GALNT17: variants seen among roughly 807,000 people sequenced by gnomAD.
The protein encoded by GALNT17 is UDP-GalNAc:polypeptide N-acetylgalactosaminyltransferase-like 3.
In GALNT17, 29 loss-of-function variants were observed where a neutral mutation model predicts 63.7. That is an observed-to-expected ratio of 0.46 (90% CI 0.34 to 0.62). The LOEUF (loss-of-function observed/expected upper bound fraction) is 0.62, where lower values mean the gene tolerates loss of function less well. GALNT17 is among the 20% of genes least tolerant of loss of function. The pLI is 0.01. For synonymous variants in GALNT17, 305 were observed against 318.3 expected (o/e 0.96, Z 0.45); for missense variants, 603 against 799.6 (o/e 0.75, Z 2.97).
chr7:71,450,139 ATTTT>A (rs55881759), intron 5 of GALNT17, among the ~76,000 whole-genome samples: 3 of 130,096 alleles, frequency 2.3e-5, no homozygotes, highest in Non-Finnish European at 4.9e-5. Flanking sequence ...GTATTTAAAG[ATTTT>A]TTTTTTTTTT....
chr7:71,624,401 C>A (rs1790340855), intron 6 of GALNT17, among the ~76,000 whole-genome samples: 1 of 152,110 alleles, frequency 6.6e-6, no homozygotes, highest in African/African-American at 2.4e-5. Context: ...CCGGTGCGTT[C>A]ATGGGGTTCT....
chr7:71,135,755 C>T (rs557066297), intron 1 of GALNT17, among the ~76,000 whole-genome samples: 1 of 152,314 alleles, frequency 6.6e-6, no homozygotes, highest in African/African-American at 2.4e-5. Flanking sequence ...ACCCATCCAA[C>T]CTCCAAAGCC....
chr7:71,197,611 C>A (rs1434651531), intron 1 of GALNT17, among the ~76,000 whole-genome samples: 3 of 152,008 alleles, frequency 2.0e-5, no homozygotes, highest in Non-Finnish European at 2.9e-5. Flanking sequence ...CCCTTCCCAG[C>A]CTCTGGTAAC....
chr7:71,215,626 G>A (rs1013032012), intron 1 of GALNT17, among the ~76,000 whole-genome samples: 2 of 151,988 alleles, frequency 1.3e-5, no homozygotes, highest in South Asian at 2.1e-4. Context: ...ACCCTTGTTC[G>A]TCCTGGAGTA....
chr7:71,429,312 T>G (rs1786817929), intron 5 of GALNT17, among the ~76,000 whole-genome samples: 1 of 152,120 alleles, frequency 6.6e-6, no homozygotes, highest in Non-Finnish European at 1.5e-5. Flanking sequence ...TGGTTTGGTC[T>G]TGAATGGTAG....
intron 5 of GALNT17, among the ~76,000 whole-genome samples, chr7:71,539,037 A>G (rs899197929): frequency 2.6e-5 from 4 of 152,158 alleles, no homozygotes; most frequent in Non-Finnish European, 5.9e-5. Context: ...CCCAGGTTCA[A>G]TTGATTCTCC....
intron 9 of GALNT17, among the ~76,000 whole-genome samples, chr7:71,684,403 C>T (rs1791319607): frequency 6.6e-6 from 1 of 152,178 alleles, no homozygotes; most frequent in South Asian, 2.1e-4. Context: ...TGAACGCCCC[C>T]GATGGCTCTG....
chr7:71,436,592 G>T (rs868314441), intron 5 of GALNT17, among the ~76,000 whole-genome samples: 1 of 151,762 alleles, frequency 6.6e-6, no homozygotes, highest in African/African-American at 2.4e-5. Context: ...CGTGGCGGGC[G>T]CCTGTAGTCC....
chr7:71,542,814 A>C (rs904157689), intron 5 of GALNT17, among the ~76,000 whole-genome samples: 7 of 152,176 alleles, frequency 4.6e-5, no homozygotes, highest in Non-Finnish European at 8.8e-5. Flanking sequence ...GAATTAAAAT[A>C]TACAGCAGAT....
intron 5 of GALNT17, among the ~76,000 whole-genome samples, chr7:71,496,934 C>G (rs1171860674): frequency 6.6e-6 from 1 of 151,454 alleles, no homozygotes; most frequent in African/African-American, 2.4e-5. Flanking sequence ...AAAAAATAAC[C>G]AAGTATGATG....
chr7:71,573,492 G>A lies in GALNT17; in HGVS notation c.1080+2090G>A, dbSNP rs564369349. ...ACTACAGGCGCCTGCCACCTTGCCC[G>A]GCTAATTTTGTTTTTGTCTTTTTAG... On this transcript the variant is annotated intron_variant, in intron 6 of 10. Transcript: ENST00000333538. 9.9e-5 allele frequency among the ~76,000 whole-genome samples: 15 copies of A among 151,722 alleles called. No individual in the cohort carries two copies. In the South Asian group the frequency reaches 2.3e-3, roughly 23 times the overall value.
chr7:71,217,364 C>A (rs2116410965), intron 1 of GALNT17, among the ~76,000 whole-genome samples: 1 of 151,944 alleles, frequency 6.6e-6, no homozygotes, highest in Non-Finnish European at 1.5e-5. Flanking sequence ...GATTAACCCA[C>A]TTTTGTATTT....
chr7:71,546,439 G>A (rs1487445125), intron 5 of GALNT17, among the ~76,000 whole-genome samples: 1 of 152,106 alleles, frequency 6.6e-6, no homozygotes, highest in African/African-American at 2.4e-5. Context: ...TGAGATTATA[G>A]GCCCAAGCCA....
intron 1 of GALNT17, among the ~76,000 whole-genome samples, chr7:71,296,098 A>G (rs775794008): frequency 1.3e-5 from 2 of 152,158 alleles, no homozygotes; most frequent in African/African-American, 2.4e-5. Context: ...AGTTGGGGCT[A>G]TTCCTCTTGT....
At chr7:71,403,655 C>T (rs2116394951) in intron 3 of GALNT17, among the ~76,000 whole-genome samples, 1 of 152,306 alleles carries the variant, frequency 6.6e-6, no homozygotes, top group Non-Finnish European at 1.5e-5. Context: ...ACCTTGGAAA[C>T]TTCAGGGTCC....
intron 5 of GALNT17, among the ~76,000 whole-genome samples, chr7:71,464,664 A>T (rs1244233386): frequency 6.6e-6 from 1 of 152,100 alleles, no homozygotes; most frequent in Non-Finnish European, 1.5e-5. Flanking sequence ...TTTGAATGCC[A>T]GTTGATAATC....
chr7:71,330,488 C>G (rs1243906157), intron 1 of GALNT17, among the ~76,000 whole-genome samples: 1 of 152,134 alleles, frequency 6.6e-6, no homozygotes, highest in African/African-American at 2.4e-5. Context: ...GGCTTGAACT[C>G]CTGAGCTCAA....
At chr7:71,553,148 G>T (rs1477675837) in intron 5 of GALNT17, among the ~76,000 whole-genome samples, 1 of 151,936 alleles carries the variant, frequency 6.6e-6, no homozygotes, top group Non-Finnish European at 1.5e-5. Context: ...AACATAGCAA[G>T]ACTTTCTCTC....
chr7:71,684,021 A>AC (rs1039942582), intron 9 of GALNT17, among the ~76,000 whole-genome samples: 18 of 151,544 alleles, frequency 1.2e-4, no homozygotes, highest in Non-Finnish European at 1.8e-4. Flanking sequence ...AAAAAAAAAA[A>AC]AAAAACAAAA....
Sources: gnomAD v4.1 joint callset for allele counts (sites outside exome capture counted in the v4.1 genomes callset) on GRCh38, gnomAD v4.1.1 for gene constraint, MANE v1.5 for transcripts, NCBI Gene and HGNC (gene_info 2026-07-23, HGNC 2026-07-21) for gene names.